The following CEP112 variants were observed in gnomAD, a reference collection of about 807,000 sequenced individuals.
The protein encoded by CEP112 is centrosomal protein 112, also known as centrosomal protein of 112 kDa.
CEP112 carries 127 observed loss-of-function variants against 153.0 expected under a neutral mutation model. The observed-to-expected ratio is 0.83, with a 90% CI of 0.72 to 0.96. CEP112 has a LOEUF of 0.96. Ranked by LOEUF, CEP112 falls within the 40% of genes least tolerant of loss-of-function variation. The pLI is 0.00. For missense variants in CEP112, 1,089 were observed against 1,101.2 expected (o/e 0.99, Z 0.16); for synonymous variants, 358 against 374.4 (o/e 0.96, Z 0.51).
At chr17:66,070,098 TATC>T in intron 8 of CEP112, 97 bp from the exon 9 acceptor site, 1 of 673,710 alleles carries the variant, frequency 1.5e-6, no homozygotes, top group Non-Finnish European at 2.6e-6. Context: ...AAAAGACAGT[TATC>T]ATTTTCCACC....
intron 21 of CEP112, among the ~76,000 whole-genome samples, chr17:65,758,663 T>C (rs1598487768): frequency 6.6e-6 from 1 of 152,202 alleles, no homozygotes. Flanking sequence ...CTTTAAAATA[T>C]AATAGCTATG....
chr17:65,919,704 G>C (rs2060631228), intron 19 of CEP112, among the ~76,000 whole-genome samples: 1 of 152,094 alleles, frequency 6.6e-6, no homozygotes, highest in South Asian at 2.1e-4. Context: ...GGAAGGCACA[G>C]TATCCCTCCA....
intron 19 of CEP112, among the ~76,000 whole-genome samples, chr17:65,924,271 C>T (rs529826555): frequency 9.9e-5 from 15 of 152,238 alleles, no homozygotes; most frequent in South Asian, 6.2e-4. Context: ...CCACCGTGCC[C>T]GGCCAGCATA....
At chr17:65,829,480 C>G (rs552163911) in intron 21 of CEP112, among the ~76,000 whole-genome samples, 2 of 152,254 alleles carry the variant, frequency 1.3e-5, no homozygotes, top group African/African-American at 4.8e-5. Flanking sequence ...CAAAGAAGGT[C>G]TAAACATAGG....
chr17:65,970,455 T>C (rs1489879216), intron 17 of CEP112, among the ~76,000 whole-genome samples: 1 of 99,352 alleles, frequency 1.0e-5, no homozygotes, highest in Non-Finnish European at 2.1e-5. Flanking sequence ...GTATATTACA[T>C]GCATGCACAC....
intron 17 of CEP112, among the ~76,000 whole-genome samples, chr17:65,987,979 G>A (rs1293144033): frequency 2.0e-5 from 3 of 152,158 alleles, no homozygotes; most frequent in African/African-American, 7.2e-5. Flanking sequence ...CAGAGACAAA[G>A]GGAGAGGTGA....
chr17:65,770,614 C>A (rs891146798), intron 21 of CEP112, among the ~76,000 whole-genome samples: 20 of 152,106 alleles, frequency 1.3e-4, no homozygotes, highest in Non-Finnish European at 2.6e-4. Flanking sequence ...GTTAAAATTT[C>A]TTTAAAAGAC....
At chr17:66,042,865 A>G (rs1334929600) in intron 12 of CEP112, among the ~76,000 whole-genome samples, 2 of 152,120 alleles carry the variant, frequency 1.3e-5, no homozygotes, top group African/African-American at 4.8e-5. Context: ...CTATTTTTAA[A>G]TGGTCATTTT....
At chr17:65,691,371 T>A (rs973437250) in intron 23 of CEP112, among the ~76,000 whole-genome samples, 1 of 152,210 alleles carries the variant, frequency 6.6e-6, no homozygotes, top group Non-Finnish European at 1.5e-5. Flanking sequence ...GAGAATCTGA[T>A]GAAAGCTATG....
chr17:65,916,285 GTGTGTGTA>G (rs2060481145), intron 19 of CEP112, among the ~76,000 whole-genome samples: 1 of 148,306 alleles, frequency 6.7e-6, no homozygotes, highest in African/African-American at 2.5e-5. Flanking sequence ...GTGTGTGTGT[GTGTGTGTA>G]TGTGTGGTAG....
At chr17:66,107,825 C>A (rs1398715707) in intron 6 of CEP112, among the ~76,000 whole-genome samples, 1 of 151,930 alleles carries the variant, frequency 6.6e-6, no homozygotes, top group Non-Finnish European at 1.5e-5. Flanking sequence ...CAAAAAAAGA[C>A]TGAGAATAGC....
intron 24 of CEP112, among the ~76,000 whole-genome samples, chr17:65,662,792 C>A (rs2046458365): frequency 6.6e-6 from 1 of 152,152 alleles, no homozygotes; most frequent in Non-Finnish European, 1.5e-5. Context: ...TATTGGCCCA[C>A]ATGGTAAAAC....
At chr17:65,898,827 C>A (rs1330657286) in intron 20 of CEP112, among the ~76,000 whole-genome samples, 1 of 152,106 alleles carries the variant, frequency 6.6e-6, no homozygotes, top group African/African-American at 2.4e-5. Context: ...GATGGTGACG[C>A]CACCTCTGGG....
chr17:65,873,234 CCT>C (rs944682992), intron 20 of CEP112: 1 of 152,220 alleles, frequency 6.6e-6, no homozygotes, highest in African/African-American at 2.4e-5. Flanking sequence ...CCTGACTAAA[CCT>C]TTTTGTTACC....
At chr17:66,188,775 G>A (rs982750021) in intron 1 of CEP112, among the ~76,000 whole-genome samples, 3 of 152,002 alleles carry the variant, frequency 2.0e-5, no homozygotes, top group Non-Finnish European at 4.4e-5. Flanking sequence ...AGTTATGCAC[G>A]TGGTAACAGA....
chr17:65,811,494 A>AAC (rs2055952057), intron 21 of CEP112, among the ~76,000 whole-genome samples: 1 of 152,166 alleles, frequency 6.6e-6, no homozygotes, highest in African/African-American at 2.4e-5. Flanking sequence ...TGGAATTGTT[A>AAC]AAGACTCTAG....
At chr17:65,827,845 G>A (rs929659999) in intron 21 of CEP112, among the ~76,000 whole-genome samples, 3 of 152,038 alleles carry the variant, frequency 2.0e-5, no homozygotes, top group African/African-American at 7.3e-5. Flanking sequence ...TTCTTCCTCC[G>A]AATATCAACA....
chr17:66,029,314 T>G (rs1009891056), intron 13 of CEP112, 62 bp from the exon 14 acceptor site: 22 of 1,089,570 alleles, frequency 2.0e-5, no homozygotes, highest in Non-Finnish European at 2.7e-5. Flanking sequence ...AAAATGAAAT[T>G]TTTTAATCAG....
chr17:66,150,608 C>T (rs746717898), intron 4 of CEP112, among the ~76,000 whole-genome samples: 5 of 152,186 alleles, frequency 3.3e-5, no homozygotes, highest in Non-Finnish European at 7.3e-5. Flanking sequence ...AACCTTCTGT[C>T]ATTTGTTCTA....
Sources: gnomAD v4.1 joint callset for allele counts (sites outside exome capture counted in the v4.1 genomes callset) on GRCh38, gnomAD v4.1.1 for gene constraint, MANE v1.5 for transcripts, NCBI Gene and HGNC (gene_info 2026-07-23, HGNC 2026-07-21) for gene names.